Variants in HEYL observed in about 807,000 individuals in gnomAD.
HEYL encodes the protein hes related family bHLH transcription factor with YRPW motif like.
Under a neutral mutation model 18.6 loss-of-function variants are expected in HEYL, and 12 were observed. The observed-to-expected ratio is 0.65, with a 90% CI of 0.41 to 1.05. The LOEUF (loss-of-function observed/expected upper bound fraction) is 1.05. Among genes scored for constraint, HEYL ranks in the 50% least tolerant of loss-of-function variants. The pLI is 0.00. For synonymous variants in HEYL, 159 were observed against 179.6 expected (o/e 0.89, Z 0.91); for missense variants, 420 against 444.7 (o/e 0.94, Z 0.50).
At chr1:39,628,663 T>A (rs533227072) in intron 4 of HEYL, among the ~76,000 whole-genome samples, 3 of 152,174 alleles carry the variant, frequency 2.0e-5, no homozygotes, top group African/African-American at 7.2e-5. Flanking sequence ...AGTGGTGCGA[T>A]CTCGACTCAC....
intron 1 of HEYL, among the ~76,000 whole-genome samples, chr1:39,635,586 A>G (rs1223510448): frequency 6.6e-6 from 1 of 152,162 alleles, no homozygotes; most frequent in Admixed American, 6.5e-5. Context: ...TTTCTTGGCA[A>G]CATTATATGT....
chr1:39,639,465 C>T lies in HEYL; in HGVS notation c.80+81G>A, dbSNP rs1646376247. 7 of 1,241,474 alleles carry T rather than the reference C, an allele frequency of 5.6e-6. No homozygotes were observed. The East Asian group carries it at 2.1e-4, about 37-fold the overall frequency. The allele number at this position is 1,241,474 out of a possible 1,614,324, so 76.9% of individuals were successfully genotyped here. A position where few individuals can be genotyped will look rare whatever the true frequency, so the allele number is the denominator to read the frequency against. On this transcript the variant is annotated intron_variant, in intron 1 of 4. Transcript: ENST00000372852. ...GCCCAGGCGGTGCTGGAGGGCTGGC[C>T]CGCCTGCTCGGCGAGCCCGTCGGGC... is the stretch of plus-strand genomic sequence containing the variant.
Position 39,624,913 on chromosome 1 carries a change from GC to G in HEYL, c.*1593del, listed in dbSNP as rs766204608. Reference sequence around the variant, plus strand: ...CCCTCTTATCCACTTCTTTGAAAGGGCCCTTTTCCCCAAGGTTTCTGCAAAC... The same window carrying G: ...CCCTCTTATCCACTTCTTTGAAAGGGCCTTTTCCCCAAGGTTTCTGCAAAC... On this transcript the variant is annotated 3_prime_UTR_variant, in exon 5 of 5. Coordinates refer to ENST00000372852, the MANE Select transcript of HEYL (RefSeq NM_014571.4). 2.0e-5 allele frequency: 3 copies of G among 152,214 alleles called. No individual in the cohort carries two copies. In the East Asian group the frequency reaches 5.8e-4, roughly 29 times the overall value. The allele number at this position is 152,214 out of a possible 1,614,324, so 9.4% of individuals were successfully genotyped here. A position where few individuals can be genotyped will look rare whatever the true frequency, so the allele number is the denominator to read the frequency against.
rs766546094 is a variant in HEYL, at chr1:39,626,826, C to A, written c.668G>T (p.Arg223Leu). 1 of 1,568,288 alleles carries A rather than the reference C, an allele frequency of 6.4e-7. No homozygotes were observed. The highest frequency in any genetic ancestry group is 1.2e-5 in the South Asian group (1 of 85,496). Residue 223 changes from arginine to leucine, a missense_variant, in exon 5 of 5, where the codon CGC becomes CTC. Physicochemically the swap from Arg to Leu is moderately radical, Grantham distance 102. Coordinates refer to ENST00000372852, the MANE Select transcript of HEYL (RefSeq NM_014571.4). ...TGGCAGGATGATGCCTGTGGCTCTG[C>A]GAAGGGGAGCGGTTCGGAGGGCTGG... ...PIPALRTAPL[R>L]RATGIILPAR...
intron 1 of HEYL, among the ~76,000 whole-genome samples, chr1:39,635,567 C>T (rs1646358342): frequency 6.6e-6 from 1 of 152,116 alleles, no homozygotes; most frequent in Admixed American, 6.6e-5. Flanking sequence ...GCAAACCTCA[C>T]ATTACAGTTT....
In HEYL at chr1:39,625,573, C is replaced by T. The variant is rs1646291718; in HGVS notation, c.*934G>A. ...GCAGCACAGACGTCTGGTGCTGAAT[C>T]CCAAGAGGTTCCTCTCTGCGCACCA... On this transcript the variant is annotated 3_prime_UTR_variant, in exon 5 of 5. Coordinates refer to ENST00000372852, the MANE Select transcript of HEYL (RefSeq NM_014571.4). The T allele has an allele frequency of 6.6e-6, 1 of 152,350 alleles. No individual in the cohort carries two copies. Among genetic ancestry groups the T allele is most frequent in the African/African-American group, 2.4e-5 (1 of 41,480 alleles). 9.4% of individuals were successfully genotyped at this position (152,350 alleles called of 1,614,324 possible).
At chr1:39,637,984 G>A (rs767773430) in intron 1 of HEYL, among the ~76,000 whole-genome samples, 6 of 152,148 alleles carry the variant, frequency 3.9e-5, no homozygotes, top group Admixed American at 1.3e-4. Flanking sequence ...TTGTGCCTCT[G>A]ATCTATGAAG....
At chr1:39,632,050 C>T (rs1044794008) in intron 2 of HEYL, among the ~76,000 whole-genome samples, 9 of 152,310 alleles carry the variant, frequency 5.9e-5, no homozygotes, top group East Asian at 1.9e-4. Flanking sequence ...AGCAGAACAC[C>T]GGGAGCAGGA....
At chr1:39,627,794 T>C (rs1646309147) in intron 4 of HEYL, among the ~76,000 whole-genome samples, 1 of 152,228 alleles carries the variant, frequency 6.6e-6, no homozygotes, top group Admixed American at 6.5e-5. Flanking sequence ...GTGCCTACCG[T>C]ATAGAGTTAT....
At chr1:39,629,904 T>C (rs1217554528) in intron 4 of HEYL, among the ~76,000 whole-genome samples, 1 of 152,148 alleles carries the variant, frequency 6.6e-6, no homozygotes, top group Non-Finnish European at 1.5e-5. Context: ...CCAGTGAGAA[T>C]TAGCTCATTC....
At chr1:39,634,405 T>C (rs1488147917) in intron 1 of HEYL, among the ~76,000 whole-genome samples, 1 of 152,210 alleles carries the variant, frequency 6.6e-6, no homozygotes, top group Non-Finnish European at 1.5e-5. Flanking sequence ...CCAATGTTTT[T>C]TAAGATCAAG....
chr1:39,630,841 G>A (rs1160238372), intron 3 of HEYL, among the ~76,000 whole-genome samples: 1 of 152,240 alleles, frequency 6.6e-6, no homozygotes, highest in Non-Finnish European at 1.5e-5. Flanking sequence ...GGTGAAGCCT[G>A]AAGATCAGAG....
chr1:39,639,312 C>T (rs960426937), intron 1 of HEYL, among the ~76,000 whole-genome samples: 1 of 152,204 alleles, frequency 6.6e-6, no homozygotes, highest in Non-Finnish European at 1.5e-5. Context: ...TGAACTCTCC[C>T]TCCCTGCCAG....
At chr1:39,638,900 G>A (rs1204658374) in intron 1 of HEYL, among the ~76,000 whole-genome samples, 1 of 152,198 alleles carries the variant, frequency 6.6e-6, no homozygotes, top group African/African-American at 2.4e-5. Context: ...CAGTTTGTTC[G>A]ACAGGTTTGA....
chr1:39,637,457 C>A (rs1646366938), intron 1 of HEYL, among the ~76,000 whole-genome samples: 1 of 152,158 alleles, frequency 6.6e-6, no homozygotes, highest in Non-Finnish European at 1.5e-5. Context: ...CCTGAGAGTT[C>A]CCTGAGGGCA....
At position 39,626,075 on chromosome 1, in the gene HEYL, G is replaced by A. The variant is rs2124102883; in HGVS notation, c.*432C>T. On this transcript the variant is annotated 3_prime_UTR_variant, in exon 5 of 5. Coordinates refer to ENST00000372852, the MANE Select transcript of HEYL (RefSeq NM_014571.4). ...ATGTTCCAGCCTCTTGGCGTGGGAA[G>A]GCTGCAGCCAGTCAGTCATTGCTCC... 6.1e-6 allele frequency: 1 copy of A among 164,096 alleles called. No individual in the cohort carries two copies. 10.2% of individuals were successfully genotyped at this position (164,096 alleles called of 1,614,324 possible). A position where few individuals can be genotyped will look rare whatever the true frequency, so the allele number is the denominator to read the frequency against.
rs1646306413 is a variant in HEYL, at chr1:39,627,298, A to G, written c.314-118T>C. The G allele has an allele frequency of 4.5e-6, 4 of 880,616 alleles. No individual in the cohort carries two copies. In the South Asian group the frequency reaches 7.1e-5, roughly 16 times the overall value. 54.6% of individuals were successfully genotyped at this position (880,616 alleles called of 1,614,324 possible). On this transcript the variant is annotated intron_variant, in intron 4 of 4. Coordinates refer to ENST00000372852, the MANE Select transcript of HEYL (RefSeq NM_014571.4). ...ACTCACTCCCTGGGCAGCCGTGGCC[A>G]TGTCATCCTGCCTCTCTGAGCCTGT... is the stretch of plus-strand genomic sequence containing the variant.
At chr1:39,633,546 C>T (rs1646346724) in intron 1 of HEYL, 1 of 152,278 alleles carries the variant, frequency 6.6e-6, no homozygotes, top group Admixed American at 6.5e-5. Flanking sequence ...TTCATTTGGC[C>T]AACACTTCTA....
At chr1:39,633,074 C>G in intron 1 of HEYL, 2 of 969,074 alleles carry the variant, frequency 2.1e-6, no homozygotes, top group Non-Finnish European at 2.5e-6. Context: ...CTGGGCCGGG[C>G]GGGTTGGGTT....
Sources: allele counts gnomAD v4.1 joint callset (sites outside exome capture counted in the v4.1 genomes callset), GRCh38; gene constraint gnomAD v4.1.1; transcripts MANE v1.5; gene names NCBI Gene and HGNC (gene_info 2026-07-23, HGNC 2026-07-21).